DNAH2: variants seen among roughly 807,000 people sequenced by gnomAD.
The protein encoded by DNAH2 is axonemal beta dynein heavy chain 2.
In DNAH2, 323 loss-of-function variants were observed where a neutral mutation model predicts 523.5. The observed-to-expected ratio is 0.62, with a 90% CI of 0.56 to 0.68. The LOEUF is 0.68. Ranked by LOEUF, DNAH2 falls within the 30% of genes least tolerant of loss-of-function variation. The pLI is 0.00. For synonymous variants in DNAH2, 2,093 were observed against 2,177.4 expected (o/e 0.96, Z 1.08); for missense variants, 4,907 against 5,701.5 (o/e 0.86, Z 4.49).
At position 7,830,405 on chromosome 17, in the gene DNAH2, T is replaced by C; in HGVS notation, c.11959T>C (p.Phe3987Leu). The C allele has an allele frequency of 6.2e-7, 1 of 1,614,278 alleles. No homozygotes were observed. Among genetic ancestry groups the C allele is most frequent in the Non-Finnish European group, 8.5e-7 (1 of 1,180,050 alleles). ...TAAGAAGCTGCTGTTTTCACTCTGTTTCTTCCACTCTGTGTTACTTGAACG... is the reference window on the plus strand; with the variant it reads ...TAAGAAGCTGCTGTTTTCACTCTGTCTCTTCCACTCTGTGTTACTTGAACG... ...KYKKLLFSLC[F>L]FHSVLLERKK... The change falls in exon 78 of 86, where the codon TTC becomes CTC. Residue 3987 changes from phenylalanine to leucine, a missense_variant. Phe to Leu is a conservative substitution (Grantham distance 22). Coordinates refer to ENST00000572933, the MANE Select transcript of DNAH2 (RefSeq NM_020877.5).
chr17:7,734,240 A>T lies in DNAH2; in HGVS notation c.686A>T (p.Asn229Ile). 2 of 1,607,558 alleles carry T rather than the reference A, an allele frequency of 1.2e-6. No homozygotes were observed. Among genetic ancestry groups the T allele is most frequent in the South Asian group, 2.2e-5 (2 of 89,696 alleles). ...TVLYIPAEAM[N>I]MKPEMVIKDK... The stretch of plus-strand genomic sequence containing the variant: ...CTCTACATCCCTGCAGAGGCCATGA[A>T]CATGAAGCCTGAGATGGTGATAAAG... The change falls in exon 6 of 86, where the codon AAC becomes ATC. Residue 229 changes from asparagine to isoleucine, a missense_variant. By Grantham distance (149) the Asn-to-Ile change is moderately radical. Coordinates refer to ENST00000572933, the MANE Select transcript of DNAH2 (RefSeq NM_020877.5).
At chr17:7,804,935 C>T (rs764959583) in intron 59 of DNAH2, 23 bp from the exon 60 acceptor site, 1 of 1,603,898 alleles carries the variant, frequency 6.2e-7, no homozygotes, top group African/African-American at 1.3e-5. Flanking sequence ...GACAAAAAAC[C>T]CTTGTCCTTT....
rs893934121 is a variant in DNAH2 at position 7,787,172 on chromosome 17, A to G, written c.6603+139A>G. 5.5e-6 allele frequency: 6 copies of G among 1,093,416 alleles called. No individual in the cohort carries two copies. The African/African-American group carries it at 9.5e-5, about 17-fold the overall frequency. 67.7% of individuals were successfully genotyped at this position (1,093,416 alleles called of 1,614,324 possible). On this transcript the variant is annotated intron_variant, in intron 42 of 85. Transcript: ENST00000572933. Reference sequence around the variant, plus strand: ...AGCTGAAAGGTGGATGCCTGGATTCAGGGAAACCTGCAGCTGAAGAAAAAT... The same window carrying G: ...AGCTGAAAGGTGGATGCCTGGATTCGGGGAAACCTGCAGCTGAAGAAAAAT...
intron 4 of DNAH2, among the ~76,000 whole-genome samples, chr17:7,729,399 A>AAG (rs955529566): frequency 2.7e-4 from 41 of 150,952 alleles, no homozygotes; most frequent in African/African-American, 5.3e-4. Flanking sequence ...AAAAAAAAAA[A>AAG]AGAGAGAGAG....
rs1326545763 is a variant in DNAH2, at chr17:7,718,011, G to A, written c.-803G>A. On this transcript the variant is annotated 5_prime_UTR_variant, in exon 1 of 86. Transcript: ENST00000572933. ...CAGTTGTGACAGCTGGGGGGGAAGA[G>A]CCATTCTGAGGGGAAATTTGCCTGC... 2 of 151,720 alleles carry A rather than the reference G, an allele frequency of 1.3e-5. No individual in the cohort carries two copies. The highest frequency in any genetic ancestry group is 1.3e-4 in the Admixed American group (2 of 15,214). The allele number at this position is 151,720 out of a possible 1,614,324, so 9.4% of individuals were successfully genotyped here.
At position 7,732,919 on chromosome 17, in the gene DNAH2, A is replaced by G. The variant is rs550556480; in HGVS notation, c.400-168A>G. Among the ~76,000 whole-genome samples, 10 of 152,314 alleles carry G rather than the reference A, an allele frequency of 6.6e-5. No individual in the cohort carries two copies. In the South Asian group the frequency reaches 1.9e-3, roughly 28 times the overall value. On this transcript the variant is annotated intron_variant, in intron 4 of 85. Coordinates refer to ENST00000572933, the MANE Select transcript of DNAH2 (RefSeq NM_020877.5). ...CTGCATTTCCTCCCCACATCTCTGG[A>G]TATGGAATCATATCCGTGAAAAGAA... is the stretch of plus-strand genomic sequence containing the variant.
In DNAH2 at chr17:7,823,849, C is replaced by A. The variant is rs762431493; in HGVS notation, c.11345C>A (p.Ala3782Asp). The A allele has an allele frequency of 1.2e-5, 19 of 1,613,962 alleles. No individual in the cohort carries two copies. The highest frequency in any genetic ancestry group is 1.6e-5 in the Non-Finnish European group (19 of 1,179,998). ...TCATCCCCAGGTGAGTGGGAAAATGCCTGCAATGAAATGCAACGGATGCTG... is the reference window on the plus strand; with the variant it reads ...TCATCCCCAGGTGAGTGGGAAAATGACTGCAATGAAATGCAACGGATGCTG... ...KAMLPGEWEN[A>D]CNEMQRMLIV... Residue 3782 changes from alanine to aspartate, a missense_variant, in exon 75 of 86, where the codon GCC (alanine) becomes GAC (aspartate). Physicochemically the swap from Ala to Asp is moderately radical, Grantham distance 126 (BLOSUM62 -2). Transcript: ENST00000572933.
In DNAH2 at chr17:7,804,338, G is replaced by GA. The variant is rs1283051845; in HGVS notation, c.9059dup (p.Val3021GlyfsTer17). The GA allele has an allele frequency of 4.3e-6, 7 of 1,614,222 alleles. No homozygotes were observed. The stretch of plus-strand genomic sequence containing the variant: ...CTTGTTCAAGATCGACGAAACTAGG[G>GA]AAAAGGTGCAAGTGATGTCGTTGGA... On this transcript the variant is annotated frameshift_variant, in exon 59 of 86. Transcript: ENST00000572933. LOFTEE classifies it high-confidence loss of function.
At position 7,770,740 on chromosome 17, in the gene DNAH2, C is replaced by T; in HGVS notation, c.4182-13C>T. On this transcript the variant is annotated splice_polypyrimidine_tract_variant and intron_variant, in intron 26 of 85. Transcript: ENST00000572933. Reference sequence around the variant, plus strand: ...GTGGGGATGAACTATGATTTTGACCCCTTGTGTCTCAGAGGTACAGAAGAA... The same window carrying T: ...GTGGGGATGAACTATGATTTTGACCTCTTGTGTCTCAGAGGTACAGAAGAA... 1 of 1,614,036 alleles carries T rather than the reference C, an allele frequency of 6.2e-7. No homozygotes were observed. Among genetic ancestry groups the T allele is most frequent in the South Asian group, 1.1e-5 (1 of 91,080 alleles).
intron 45 of DNAH2, 57 bp downstream of exon 45, chr17:7,792,126 C>T: frequency 6.2e-7 from 1 of 1,604,386 alleles, no homozygotes; most frequent in Non-Finnish European, 8.5e-7. Flanking sequence ...CCCTGGGCAT[C>T]CCCCATCTCA....
chr17:7,792,828 G>A lies in DNAH2; in HGVS notation c.7317G>A (p.Ser2439=), dbSNP rs759861020. Residue 2439 remains serine (S), a synonymous_variant, in exon 47 of 86, where the codon TCG becomes TCA. Transcript: ENST00000572933. ...VLQSLPSSQW[S]VLVVNMSAQT... ...AGTCCCTGCCCTCCAGCCAGTGGTC[G>A]GTGCTCGTTGTCAACATGTCCGCAC... The A allele has an allele frequency of 3.8e-5, 61 of 1,614,010 alleles. No homozygotes were observed. Among genetic ancestry groups the A allele is most frequent in the South Asian group, 3.3e-4 (30 of 91,088 alleles).
chr17:7,806,243 G>A (rs1428102779), intron 61 of DNAH2, among the ~76,000 whole-genome samples: 1 of 152,196 alleles, frequency 6.6e-6, no homozygotes, highest in Non-Finnish European at 1.5e-5. Flanking sequence ...TCTAAGTTAG[G>A]CTGGGATGAA....
In DNAH2 at chr17:7,759,922, C is replaced by T; in HGVS notation, c.2769C>T (p.Pro923=). Residue 923 remains proline, a synonymous_variant, in exon 17 of 86, where the codon CCC becomes CCT. Transcript: ENST00000572933. ...ILTKRKLHRE[P]IQTVVEQDED... is the part of the protein sequence containing the mutation. ...CCAAGCGCAAGTTACATCGTGAACCCATCCAAACAGTTGTGGGTGAGTGGG... is the reference window on the plus strand; with the variant it reads ...CCAAGCGCAAGTTACATCGTGAACCTATCCAAACAGTTGTGGGTGAGTGGG... 1 of 1,614,214 alleles carries T rather than the reference C, an allele frequency of 6.2e-7. No individual in the cohort carries two copies. Among genetic ancestry groups the T allele is most frequent in the Middle Eastern group, 1.6e-4 (1 of 6,062 alleles).
intron 3 of DNAH2, among the ~76,000 whole-genome samples, chr17:7,725,899 G>C (rs1437115609): frequency 2.7e-5 from 4 of 145,932 alleles, no homozygotes; most frequent in African/African-American, 9.8e-5. Context: ...AATTTTTCTT[G>C]ACCTGGAAAC....
chr17:7,765,127 G>A (rs190755487), intron 20 of DNAH2, among the ~76,000 whole-genome samples: 6 of 152,228 alleles, frequency 3.9e-5, no homozygotes, highest in South Asian at 2.1e-4. Context: ...TGCAAAACTC[G>A]TCCCCAGACT....
chr17:7,757,869 G>T (rs1174245512), intron 13 of DNAH2, among the ~76,000 whole-genome samples: 2 of 152,166 alleles, frequency 1.3e-5, no homozygotes, highest in Non-Finnish European at 2.9e-5. Context: ...GGAGACAAGG[G>T]AGCTCTCTTA....
rs1416617270 is a variant in DNAH2 at position 7,824,626 on chromosome 17, C to G, written c.11752C>G (p.Pro3918Ala). ...KLVEQLQVEDPHPSFRLWLSS... is the reference protein window; with the variant it reads ...KLVEQLQVEDAHPSFRLWLSS... ...GGTGGAGCAGCTGCAGGTGGAGGAT[C>G]CTCATCCATCCTTCCGCCTCTGGCT... The change falls in exon 77 of 86, where the codon CCT (proline) becomes GCT (alanine). Residue 3918 changes from proline to alanine, a missense_variant. Physicochemically the swap from Pro to Ala is conservative, Grantham distance 27. Transcript: ENST00000572933. 8 of 1,609,058 alleles carry G rather than the reference C, an allele frequency of 5.0e-6. No individual in the cohort carries two copies. The highest frequency in any genetic ancestry group is 6.8e-6 in the Non-Finnish European group (8 of 1,176,686).
intron 39 of DNAH2, among the ~76,000 whole-genome samples, chr17:7,782,328 A>C (rs1204302693): frequency 6.6e-6 from 1 of 152,002 alleles, no homozygotes; most frequent in Non-Finnish European, 1.5e-5. Flanking sequence ...AAAAAGACCA[A>C]ATTTTCTTTG....
At chr17:7,731,192 A>G (rs1301568431) in intron 4 of DNAH2, among the ~76,000 whole-genome samples, 2 of 151,944 alleles carry the variant, frequency 1.3e-5, no homozygotes, top group African/African-American at 2.4e-5. Flanking sequence ...CATGAAAGAA[A>G]AAGGTTGGGG....
Sources: allele counts gnomAD v4.1 joint callset (sites outside exome capture counted in the v4.1 genomes callset), GRCh38; gene constraint gnomAD v4.1.1; transcripts MANE v1.5; gene names NCBI Gene and HGNC (gene_info 2026-07-23, HGNC 2026-07-21).